DLG1: variants seen among roughly 807,000 people sequenced by gnomAD.
DLG1 encodes disks large homolog 1.
In DLG1, 42 loss-of-function variants were observed where a neutral mutation model predicts 123.4. That is an observed-to-expected ratio of 0.34 (90% CI 0.27 to 0.44). The LOEUF (loss-of-function observed/expected upper bound fraction) is 0.44, where lower values mean the gene tolerates loss of function less well. DLG1 is among the 20% of genes least tolerant of loss of function. DLG1 has a pLI of 1.00. For missense variants in DLG1, 942 were observed against 1,082.6 expected (o/e 0.87, Z 1.82); for synonymous variants, 317 against 356.2 (o/e 0.89, Z 1.24).
chr3:197,186,651 T>C (rs1716203524), intron 5 of DLG1, among the ~76,000 whole-genome samples: 1 of 152,216 alleles, frequency 6.6e-6, no homozygotes, highest in Non-Finnish European at 1.5e-5. Flanking sequence ...TAAAAATTTA[T>C]ACTGGATAGG....
intron 11 of DLG1, among the ~76,000 whole-genome samples, chr3:197,121,051 A>G (rs1399708283): frequency 7.1e-6 from 1 of 140,824 alleles, no homozygotes; most frequent in East Asian, 2.4e-4. Flanking sequence ...CTTTTGCTGC[A>G]TTTTCATATT....
In DLG1 at chr3:197,044,456, G is replaced by A. The variant is rs536034428; in HGVS notation, c.*167C>T. 2.6e-5 allele frequency: 12 copies of A among 465,374 alleles called. No individual in the cohort carries two copies. The highest frequency in any genetic ancestry group is 1.6e-4 in the African/African-American group (8 of 50,030). 28.8% of individuals were successfully genotyped at this position (465,374 alleles called of 1,614,324 possible). ...AATAGTGACATTAAATAATACACACGATGTAACTTGAAGGAGACACTACAT... is the reference window on the plus strand; with the variant it reads ...AATAGTGACATTAAATAATACACACAATGTAACTTGAAGGAGACACTACAT... On this transcript the variant is annotated 3_prime_UTR_variant, in exon 25 of 25. Coordinates refer to ENST00000667157, the MANE Select transcript of DLG1 (RefSeq NM_001366207.1).
intron 13 of DLG1, among the ~76,000 whole-genome samples, chr3:197,110,687 A>G (rs1450534743): frequency 6.6e-6 from 1 of 152,166 alleles, no homozygotes; most frequent in African/African-American, 2.4e-5. Context: ...GACTTTTCTT[A>G]ATGTTATAAA....
At chr3:197,155,799 T>C (rs982651215) in intron 5 of DLG1, among the ~76,000 whole-genome samples, 14 of 151,882 alleles carry the variant, frequency 9.2e-5, no homozygotes, top group African/African-American at 3.4e-4. Flanking sequence ...ACAACAAAAA[T>C]TAACCAGGTG....
intron 5 of DLG1, among the ~76,000 whole-genome samples, chr3:197,158,490 C>T (rs1030678897): frequency 1.6e-4 from 24 of 147,148 alleles, no homozygotes; most frequent in African/African-American, 4.8e-4. Context: ...AAAAATTAGC[C>T]GGGCGTGGTG....
intron 4 of DLG1, among the ~76,000 whole-genome samples, chr3:197,244,978 C>G (rs1252513745): frequency 6.6e-6 from 1 of 152,118 alleles, no homozygotes; most frequent in African/African-American, 2.4e-5. Flanking sequence ...AGTAAGGCAG[C>G]CTATACAGCA....
intron 18 of DLG1, chr3:197,076,002 G>C: frequency 1.8e-6 from 1 of 557,008 alleles, no homozygotes. Flanking sequence ...ATCTTACAGA[G>C]CATTTTTACA....
At chr3:197,233,494 C>T (rs1744342641) in intron 4 of DLG1, among the ~76,000 whole-genome samples, 1 of 152,240 alleles carries the variant, frequency 6.6e-6, no homozygotes, top group South Asian at 2.1e-4. Flanking sequence ...TCAAGCAATT[C>T]TCCTGCCTCA....
At chr3:197,054,519 T>C (rs1233108196) in intron 23 of DLG1, among the ~76,000 whole-genome samples, 1 of 152,266 alleles carries the variant, frequency 6.6e-6, no homozygotes, top group African/African-American at 2.4e-5. Context: ...CAAATCTCCC[T>C]GAATCCCTGT....
At chr3:197,163,025 T>C (rs900402754) in intron 5 of DLG1, among the ~76,000 whole-genome samples, 1 of 152,172 alleles carries the variant, frequency 6.6e-6, no homozygotes, top group African/African-American at 2.4e-5. Context: ...ACAACCCAAT[T>C]AATGAATGTG....
rs910765229 is a variant in DLG1 at position 197,298,604 on chromosome 3, C to G, written c.-100G>C. Reference sequence around the variant, plus strand: ...CGCGGCAGAGACAGCGCCTGGCGACCCCGGGGGTAGATCCCCACCGGGGAA... The same window carrying G: ...CGCGGCAGAGACAGCGCCTGGCGACGCCGGGGGTAGATCCCCACCGGGGAA... On this transcript the variant is annotated 5_prime_UTR_variant, in exon 1 of 25. Transcript: ENST00000667157. The G allele has an allele frequency of 4.0e-5, 16 of 398,360 alleles. No individual in the cohort carries two copies. In the Admixed American group the frequency reaches 4.4e-4, roughly 11 times the overall value. 24.7% of individuals were successfully genotyped at this position (398,360 alleles called of 1,614,324 possible).
Position 197,076,745 on chromosome 3 carries a change from C to A in DLG1, c.1906-60G>T, listed in dbSNP as rs1747539831. Reference sequence around the variant, plus strand: ...GTCTACTGTCTGTGTGTACAAAGGCCCAGCCTAGCAGCTCTGTGGAAGCTG... The same window carrying A: ...GTCTACTGTCTGTGTGTACAAAGGCACAGCCTAGCAGCTCTGTGGAAGCTG... On this transcript the variant is annotated intron_variant, in intron 17 of 24. Transcript: ENST00000667157. The A allele has an allele frequency of 6.9e-6, 9 of 1,311,928 alleles. 1 individual carries two copies. In the Admixed American group the frequency reaches 1.4e-4, roughly 20 times the overall value. 81.3% of individuals were successfully genotyped at this position (1,311,928 alleles called of 1,614,324 possible). A position where few individuals can be genotyped will look rare whatever the true frequency, so the allele number is the denominator to read the frequency against.
In DLG1 at chr3:197,130,572, T is replaced by C; in HGVS notation, c.1120A>G (p.Ser374Gly). Residue 374 changes from serine (S) to glycine (G), a missense_variant, in exon 11 of 25, where the codon AGT (serine) becomes GGT (glycine). By Grantham distance (56) the Ser-to-Gly change is moderately conservative (BLOSUM62 0). Transcript: ENST00000667157. The part of the protein sequence containing the change: ...FVYLKVAKPT[S>G]MYMNDGYAPP... Reference sequence around the variant, plus strand: ...GCATAGCCATCATTCATATACATACTTGTGGGTTTTGCCACTTTCAAATAA... The same window carrying C: ...GCATAGCCATCATTCATATACATACCTGTGGGTTTTGCCACTTTCAAATAA... 1.2e-6 allele frequency: 2 copies of C among 1,613,068 alleles called. No homozygotes were observed. Among genetic ancestry groups the C allele is most frequent in the Non-Finnish European group, 1.7e-6 (2 of 1,179,676 alleles).
intron 4 of DLG1, among the ~76,000 whole-genome samples, chr3:197,279,322 T>A (rs962044599): frequency 6.6e-6 from 1 of 152,196 alleles, no homozygotes; most frequent in African/African-American, 2.4e-5. Flanking sequence ...CAGACAAACA[T>A]TTGTCAGGAT....
At chr3:197,133,662 T>C (rs1369357433) in intron 10 of DLG1, among the ~76,000 whole-genome samples, 3 of 152,118 alleles carry the variant, frequency 2.0e-5, no homozygotes, top group Non-Finnish European at 4.4e-5. Flanking sequence ...AACAGTGACC[T>C]TGGGAGTGAA....
intron 4 of DLG1, among the ~76,000 whole-genome samples, chr3:197,261,024 T>G (rs1759182598): frequency 6.6e-6 from 1 of 152,114 alleles, no homozygotes; most frequent in East Asian, 1.9e-4. Flanking sequence ...TTAACTTTAC[T>G]GCCTTACTAA....
intron 5 of DLG1, among the ~76,000 whole-genome samples, chr3:197,176,038 C>T (rs1485529949): frequency 1.3e-5 from 2 of 151,956 alleles, no homozygotes; most frequent in African/African-American, 2.4e-5. Flanking sequence ...TTGACAGAAA[C>T]GCCATCTAAA....
intron 5 of DLG1, among the ~76,000 whole-genome samples, chr3:197,164,739 TAA>T (rs145314765): frequency 3.1e-5 from 4 of 130,658 alleles, no homozygotes; most frequent in Non-Finnish European, 6.5e-5. Flanking sequence ...CCGTCTCTAC[TAA>T]AAAAAAAAAA....
rs903996003 is a variant in DLG1, at chr3:197,043,945, C to T, written c.*678G>A. On this transcript the variant is annotated 3_prime_UTR_variant, in exon 25 of 25. Transcript: ENST00000667157. Reference sequence around the variant, plus strand: ...ACATATGAACAACTTTTGTAAGACACGATAGTGTTGCTCAAGTAGATTAAA... The same window carrying T: ...ACATATGAACAACTTTTGTAAGACATGATAGTGTTGCTCAAGTAGATTAAA... 1 of 152,018 alleles carries T rather than the reference C, an allele frequency of 6.6e-6. No individual in the cohort carries two copies. The highest frequency in any genetic ancestry group is 1.5e-5 in the Non-Finnish European group (1 of 68,010). 9.4% of individuals were successfully genotyped at this position (152,018 alleles called of 1,614,324 possible). A position where few individuals can be genotyped will look rare whatever the true frequency, so the allele number is the denominator to read the frequency against.
Sources: allele counts gnomAD v4.1 joint callset (sites outside exome capture counted in the v4.1 genomes callset), GRCh38; gene constraint gnomAD v4.1.1; transcripts MANE v1.5; gene names NCBI Gene and HGNC (gene_info 2026-07-23, HGNC 2026-07-21).